Variants in AZIN1 observed in about 807,000 individuals in gnomAD.
AZIN1 encodes ornithine decarboxylase antizyme inhibitor.
AZIN1 carries 12 observed loss-of-function variants against 47.4 expected under a neutral mutation model. That is an observed-to-expected ratio of 0.25 (90% confidence interval 0.16 to 0.41). AZIN1 has a LOEUF of 0.41. Among genes scored for constraint, AZIN1 ranks in the 10% least tolerant of loss-of-function variants. AZIN1 has a pLI of 1.00. For missense variants in AZIN1, 410 were observed against 532.4 expected (o/e 0.77, Z 2.26); for synonymous variants, 155 against 176.3 (o/e 0.88, Z 0.96).
At chr8:102,841,170 A>T (rs1812152797) in intron 3 of AZIN1, among the ~76,000 whole-genome samples, 1 of 152,242 alleles carries the variant, frequency 6.6e-6, no homozygotes, top group African/African-American at 2.4e-5. Context: ...GAAATAAGTT[A>T]GGAGGTCACT....
At chr8:102,853,340 T>C (rs986329877) in intron 2 of AZIN1, among the ~76,000 whole-genome samples, 1 of 152,178 alleles carries the variant, frequency 6.6e-6, no homozygotes, top group Non-Finnish European at 1.5e-5. Context: ...CTGTCTCTAC[T>C]AGAAATACAA....
chr8:102,863,003 G>T (rs972989950), intron 1 of AZIN1, among the ~76,000 whole-genome samples: 2 of 152,228 alleles, frequency 1.3e-5, no homozygotes, highest in Non-Finnish European at 2.9e-5. Flanking sequence ...GGCGCGGACG[G>T]AAAAACGAAG....
At chr8:102,831,901 G>A (rs1811486708) in intron 9 of AZIN1, among the ~76,000 whole-genome samples, 1 of 152,128 alleles carries the variant, frequency 6.6e-6, no homozygotes, top group Non-Finnish European at 1.5e-5. Context: ...ACTGCAATGA[G>A]CCCTGATGGA....
intron 6 of AZIN1, 140 bp from the exon 7 acceptor site, chr8:102,834,887 C>G (rs2131207841): frequency 1.7e-6 from 1 of 595,294 alleles, no homozygotes. Flanking sequence ...GTATTAGAAG[C>G]ATTAGCTTCT....
At chr8:102,838,009 C>A (rs1377448876) in intron 5 of AZIN1, among the ~76,000 whole-genome samples, 2 of 152,202 alleles carry the variant, frequency 1.3e-5, no homozygotes, top group African/African-American at 4.8e-5. Context: ...TCTTGGCTCA[C>A]TGCAGCCTCC....
Position 102,836,246 on chromosome 8 carries a change from A to G in AZIN1, c.584+10T>C, listed in dbSNP as rs776220632. ...GTTCACAGCTTTAAAAGTTTAAAAC[A>G]AATACTCACTTAACCCCAATTATTT... On this transcript the variant is annotated intron_variant, in intron 6 of 11. Coordinates refer to ENST00000337198, the MANE Select transcript of AZIN1 (RefSeq NM_148174.4). 5.6e-6 allele frequency: 9 copies of G among 1,612,118 alleles called. No individual in the cohort carries two copies. In the South Asian group the frequency reaches 6.6e-5, roughly 12 times the overall value.
At chr8:102,829,212 T>C (rs754527250) in intron 11 of AZIN1, 60 bp downstream of exon 11, 5 of 1,406,622 alleles carry the variant, frequency 3.6e-6, no homozygotes, top group South Asian at 1.3e-5. Flanking sequence ...TTAAAACTTA[T>C]TAGCAAGTCT....
intron 6 of AZIN1, chr8:102,834,962 T>G: frequency 2.0e-6 from 1 of 495,644 alleles, no homozygotes; most frequent in South Asian, 2.9e-5. Context: ...ACTGTAATTC[T>G]ATAAACAAAA....
At chr8:102,857,526 A>T (rs970274834) in intron 2 of AZIN1, among the ~76,000 whole-genome samples, 11 of 152,204 alleles carry the variant, frequency 7.2e-5, no homozygotes, top group Admixed American at 7.2e-4. Context: ...TATCCTTGAA[A>T]ATCTGTTAAA....
chr8:102,843,598 T>C lies in AZIN1; in HGVS notation c.55A>G (p.Thr19Ala), dbSNP rs1308065017. 5.0e-6 allele frequency: 8 copies of C among 1,614,134 alleles called. No individual in the cohort carries two copies. Among genetic ancestry groups the C allele is most frequent in the East Asian group, 2.2e-5 (1 of 44,880 alleles). The change falls in exon 3 of 12, where the codon ACA (threonine) becomes GCA (alanine). Residue 19 changes from threonine to alanine, a missense_variant. By Grantham distance (58) the Thr-to-Ala change is moderately conservative. Transcript: ENST00000337198. ...NYSVGLLDEG[T>A]NLGNVIDNYV... ...TTATCAATAACATTTCCAAGGTTTG[T>C]TCCTTCATCCAACAGGCCAACGGAG...
At chr8:102,850,670 T>C (rs573498232) in intron 2 of AZIN1, among the ~76,000 whole-genome samples, 67 of 152,260 alleles carry the variant, frequency 4.4e-4, no homozygotes, top group African/African-American at 1.6e-3. Flanking sequence ...AACAACAGCC[T>C]ACATTGAGTA....
chr8:102,831,416 A>G (rs978189181), intron 9 of AZIN1, among the ~76,000 whole-genome samples: 1 of 151,868 alleles, frequency 6.6e-6, no homozygotes, highest in Non-Finnish European at 1.5e-5. Flanking sequence ...GCCACTTCAC[A>G]ATGGAAAGAA....
At chr8:102,862,409 C>A (rs1813739082) in intron 1 of AZIN1, among the ~76,000 whole-genome samples, 1 of 151,902 alleles carries the variant, frequency 6.6e-6, no homozygotes, top group African/African-American at 2.4e-5. Context: ...GTGATAAAAC[C>A]TTGGGGGAGA....
intron 2 of AZIN1, 73 bp from the exon 3 acceptor site, chr8:102,843,820 C>T: frequency 1.9e-6 from 2 of 1,043,750 alleles, no homozygotes; most frequent in Non-Finnish European, 2.5e-6. Flanking sequence ...TGAAAGTGTG[C>T]TAAGTGCCTA....
intron 1 of AZIN1, among the ~76,000 whole-genome samples, chr8:102,863,535 A>G (rs964205732): frequency 1.3e-5 from 2 of 150,778 alleles, no homozygotes; most frequent in Non-Finnish European, 3.0e-5. Flanking sequence ...CCCCACTGGC[A>G]CACGCCCCCT....
In AZIN1 at chr8:102,830,034, TA is replaced by T; in HGVS notation, c.905-99del. ...TCACATTTCTCAAACTATTTAAACT[TA>T]AAAAGACACATAGAGCACGCATTTC... On this transcript the variant is annotated intron_variant, in intron 9 of 11. Transcript: ENST00000337198. The T allele has an allele frequency of 3.6e-6, 3 of 835,440 alleles. No homozygotes were observed. The South Asian group carries it at 4.8e-5, about 13-fold the overall frequency. 51.8% of individuals were successfully genotyped at this position (835,440 alleles called of 1,614,324 possible).
At position 102,828,662 on chromosome 8, in the gene AZIN1, C is replaced by T. The variant is rs1811242920; in HGVS notation, c.1252G>A (p.Ala418Thr). 22 of 1,605,222 alleles carry T rather than the reference C, an allele frequency of 1.4e-5. No individual in the cohort carries two copies. Among genetic ancestry groups the T allele is most frequent in the Non-Finnish European group, 1.8e-5 (21 of 1,173,424 alleles). ...SFSDWYEMQD[A>T]GITSDSMMKN... is the part of the protein sequence containing the mutation. ...ATCATTGAGTCTGAAGTAATTCCAGCATCTTGCATCTCATACCTACGTAGA... is the reference window on the plus strand; with the variant it reads ...ATCATTGAGTCTGAAGTAATTCCAGTATCTTGCATCTCATACCTACGTAGA... The change falls in exon 12 of 12, where the codon GCT (alanine) becomes ACT (threonine). Residue 418 changes from alanine (A) to threonine (T), a missense_variant. Ala to Thr is a moderately conservative substitution (Grantham distance 58). This residue lies in a region of AZIN1 where 168 missense variants were observed against 198.3 expected (regional missense o/e 0.85). Transcript: ENST00000337198.
rs1336008293 is a variant in AZIN1 at position 102,864,162 on chromosome 8, G to A, written c.-589C>T. 1.1e-5 allele frequency: 2 copies of A among 182,398 alleles called. No homozygotes were observed. The highest frequency in any genetic ancestry group is 2.3e-5 in the Non-Finnish European group (2 of 87,580). The allele number at this position is 182,398 out of a possible 1,614,324, so 11.3% of individuals were successfully genotyped here. On this transcript the variant is annotated 5_prime_UTR_variant, in exon 1 of 12. Transcript: ENST00000337198. ...GCGGCCGCGATCAGAGCCTGAAAGT[G>A]TGAGAAGGCGGCGCCAGCGACGCCA...
intron 2 of AZIN1, among the ~76,000 whole-genome samples, chr8:102,845,847 T>C (rs540237866): frequency 6.6e-6 from 1 of 152,328 alleles, no homozygotes; most frequent in South Asian, 2.1e-4. Flanking sequence ...GTGTCCTCAC[T>C]TTATGTCAAT....
Sources: gnomAD v4.1 joint callset for allele counts (sites outside exome capture counted in the v4.1 genomes callset) on GRCh38, gnomAD v4.1.1 for gene constraint, gnomAD v4.1.1 regional missense constraint, MANE v1.5 for transcripts, NCBI Gene and HGNC (gene_info 2026-07-23, HGNC 2026-07-21) for gene names.